The following NDUFB3 variants were observed in gnomAD, a reference collection of about 807,000 sequenced individuals.
The protein encoded by NDUFB3 is NADH:ubiquinone oxidoreductase subunit B3.
In NDUFB3, 7 loss-of-function variants were observed where a neutral mutation model predicts 9.0. The observed-to-expected ratio is 0.78, with a 90% CI of 0.44 to 1.46. The LOEUF is 1.46. Among genes scored for constraint, NDUFB3 ranks in the 40% most tolerant of loss-of-function variants. The pLI, the probability that NDUFB3 is intolerant of heterozygous loss-of-function variation, is 0.01. For synonymous variants in NDUFB3, 29 were observed against 38.5 expected (o/e 0.75, Z 0.91); for missense variants, 93 against 115.4 (o/e 0.81, Z 0.89).
chr2:201,072,123 A>C (rs992484374), intron 1 of NDUFB3, 64 bp downstream of exon 1: 1 of 152,242 alleles, frequency 6.6e-6, no homozygotes, highest in Admixed American at 6.5e-5. Flanking sequence ...TATTCTGGGG[A>C]GTGCAGAAAA....
intron 1 of NDUFB3, among the ~76,000 whole-genome samples, chr2:201,073,050 G>A (rs2047108435): frequency 6.6e-6 from 1 of 152,072 alleles, no homozygotes; most frequent in Non-Finnish European, 1.5e-5. Flanking sequence ...GGAATAAAAT[G>A]TCTAGAAAGG....
intron 1 of NDUFB3, among the ~76,000 whole-genome samples, chr2:201,073,119 G>A (rs1228421567): frequency 6.6e-6 from 1 of 152,128 alleles, no homozygotes; most frequent in East Asian, 1.9e-4. Flanking sequence ...GAATCTCCCA[G>A]TATGTTTCTG....
intron 1 of NDUFB3, among the ~76,000 whole-genome samples, chr2:201,074,316 AAAATT>A (rs1371404347): frequency 7.2e-5 from 11 of 152,260 alleles, no homozygotes; most frequent in African/African-American, 2.6e-4. Context: ...TAAGTTAATT[AAAATT>A]AAATTAAAAT....
chr2:201,079,153 GTTTT>G, intron 2 of NDUFB3, 131 bp downstream of exon 2: 2 of 1,118,740 alleles, frequency 1.8e-6, no homozygotes, highest in Non-Finnish European at 2.4e-6. Context: ...TTTGGTTTTT[GTTTT>G]GTTTTTGAGA....
chr2:201,076,403 G>A (rs1433371045), intron 1 of NDUFB3, among the ~76,000 whole-genome samples: 4 of 150,826 alleles, frequency 2.7e-5, no homozygotes. Context: ...CTACTCAGGA[G>A]GCTGAGGCAG....
chr2:201,072,316 T>C (rs2047087529), intron 1 of NDUFB3: 1 of 152,202 alleles, frequency 6.6e-6, no homozygotes, highest in Non-Finnish European at 1.5e-5. Flanking sequence ...AAAATTGTCT[T>C]TGTTTGCCTT....
chr2:201,085,486 C>G lies in NDUFB3; in HGVS notation c.168C>G (p.Gly56=). ...GRNEAWRYMG[G]FAKSVSFSDV... is the part of the protein sequence containing the mutation. The stretch of plus-strand genomic sequence containing the variant: ...ATGAAGCTTGGAGATACATGGGTGG[C>G]TTTGCAAAGAGTGTTTCCTTTTCTG... Residue 56 remains glycine (G), a synonymous_variant, in exon 3 of 3, where the codon GGC becomes GGG. Coordinates refer to ENST00000237889, the MANE Select transcript of NDUFB3 (RefSeq NM_002491.3). 6.2e-7 allele frequency: 1 copy of G among 1,604,454 alleles called. No homozygotes were observed. The highest frequency in any genetic ancestry group is 2.2e-5 in the East Asian group (1 of 44,682).
At chr2:201,085,289 G>C (rs2047278390) in intron 2 of NDUFB3, among the ~76,000 whole-genome samples, 170 bp from the exon 3 acceptor site, 1 of 152,112 alleles carries the variant, frequency 6.6e-6, no homozygotes, top group Non-Finnish European at 1.5e-5. Flanking sequence ...TGTGAAACTT[G>C]GGCATATACT....
Position 201,078,964 on chromosome 2 carries a change from C to A in NDUFB3, c.82C>A (p.Pro28Thr), listed in dbSNP as rs369669842. Residue 28 changes from proline (P) to threonine (T), a missense_variant, in exon 2 of 3, where the codon CCA becomes ACA. Physicochemically the swap from Pro to Thr is conservative, Grantham distance 38. Coordinates refer to ENST00000237889, the MANE Select transcript of NDUFB3 (RefSeq NM_002491.3). ...TAGACAATGGAAGATAGAAGGGACA[C>A]CATTAGAAACTATCCAGAAGAAGCT... The part of the protein sequence containing the change: ...DYRQWKIEGT[P>T]LETIQKKLAA... 6.2e-7 allele frequency: 1 copy of A among 1,613,288 alleles called. No homozygotes were observed. The highest frequency in any genetic ancestry group is 8.5e-7 in the Non-Finnish European group (1 of 1,179,756).
intron 1 of NDUFB3, among the ~76,000 whole-genome samples, chr2:201,077,017 T>C (rs1227542798): frequency 4.0e-5 from 6 of 151,848 alleles, no homozygotes; most frequent in Non-Finnish European, 7.4e-5. Flanking sequence ...GGAGAATCGC[T>C]TGAACCCAGG....
At chr2:201,078,859 T>C in intron 1 of NDUFB3, 22 bp from the exon 2 acceptor site, 1 of 1,593,726 alleles carries the variant, frequency 6.3e-7, no homozygotes, top group South Asian at 1.2e-5. Context: ...ATTTCTCACT[T>C]GTGTTAATCT....
chr2:201,076,136 TTTCA>T lies in NDUFB3; in HGVS notation c.-2-2740_-2-2737del, dbSNP rs1280228900. Among the ~76,000 whole-genome samples, 3 of 152,188 alleles carry T rather than the reference TTTCA, an allele frequency of 2.0e-5. No homozygotes were observed. The East Asian group carries it at 5.8e-4, about 29-fold the overall frequency. On this transcript the variant is annotated intron_variant, in intron 1 of 2. Transcript: ENST00000237889. ...CTACCAAGTAATAATGGGTTAAATG[TTTCA>T]TTCAGAGTTGTGTTGTAATTTTAAC...
At chr2:201,084,899 T>C (rs924496750) in intron 2 of NDUFB3, among the ~76,000 whole-genome samples, 2 of 152,208 alleles carry the variant, frequency 1.3e-5, no homozygotes, top group African/African-American at 4.8e-5. Context: ...AGAGATCCTT[T>C]TGAATAGTAA....
At chr2:201,080,804 C>T (rs1489882400) in intron 2 of NDUFB3, among the ~76,000 whole-genome samples, 3 of 149,604 alleles carry the variant, frequency 2.0e-5, no homozygotes, top group East Asian at 2.0e-4. Context: ...CCCGGGTTCA[C>T]GCCATTCTCC....
intron 2 of NDUFB3, among the ~76,000 whole-genome samples, chr2:201,082,052 A>C (rs1181958380): frequency 6.6e-6 from 1 of 151,828 alleles, no homozygotes. Flanking sequence ...TCCTGACCTC[A>C]TGATCCACCC....
At chr2:201,073,365 ATAT>A (rs1332016069) in intron 1 of NDUFB3, among the ~76,000 whole-genome samples, 1 of 152,178 alleles carries the variant, frequency 6.6e-6, no homozygotes, top group African/African-American at 2.4e-5. Context: ...TTGTTGTATA[ATAT>A]TCTACAGTGT....
chr2:201,082,761 C>T (rs951529342), intron 2 of NDUFB3, among the ~76,000 whole-genome samples: 1 of 135,828 alleles, frequency 7.4e-6, no homozygotes, highest in Non-Finnish European at 1.5e-5. Flanking sequence ...GGCCGGACTG[C>T]GGACTGCAGT....
intron 1 of NDUFB3, 176 bp downstream of exon 1, chr2:201,072,235 T>C (rs775214958): frequency 1.3e-5 from 2 of 151,852 alleles, no homozygotes; most frequent in Non-Finnish European, 2.9e-5. Context: ...TAGGAAGAGG[T>C]GGTTGGAGGA....
At chr2:201,082,635 A>G (rs2047239871) in intron 2 of NDUFB3, among the ~76,000 whole-genome samples, 1 of 151,938 alleles carries the variant, frequency 6.6e-6, no homozygotes, top group African/African-American at 2.4e-5. Flanking sequence ...GTTCATTGCT[A>G]ATACTTGTAA....
Sources: allele counts gnomAD v4.1 joint callset (sites outside exome capture counted in the v4.1 genomes callset), GRCh38; gene constraint gnomAD v4.1.1; transcripts MANE v1.5; gene names NCBI Gene and HGNC (gene_info 2026-07-23, HGNC 2026-07-21).